The following DCHS2 variants were observed in gnomAD, a reference collection of about 807,000 sequenced individuals.
DCHS2 encodes the protein protocadherin-23.
A neutral mutation model predicts 182.4 loss-of-function variants in DCHS2; 142 were observed. The observed-to-expected ratio is 0.78, with a 90% CI of 0.68 to 0.89. The LOEUF (loss-of-function observed/expected upper bound fraction) is 0.89, where lower values mean the gene tolerates loss of function less well. DCHS2 is among the 40% of genes least tolerant of loss of function. The probability of loss-of-function intolerance (pLI) is 0.00; values close to 1 mark genes in which losing one functional copy is unlikely to be tolerated. For synonymous variants in DCHS2, 1,740 were observed against 1,663.3 expected (o/e 1.05, Z -1.12); for missense variants, 4,319 against 4,198.6 (o/e 1.03, Z -0.79).
In DCHS2 at chr4:154,255,789, C is replaced by T. The variant is rs758247014; in HGVS notation, c.6790-119G>A. The T allele has an allele frequency of 7.8e-5, 107 of 1,363,066 alleles. No individual in the cohort carries two copies. The Middle Eastern group carries it at 1.0e-3, about 13-fold the overall frequency. The allele number at this position is 1,363,066 out of a possible 1,614,324, so 84.4% of individuals were successfully genotyped here. On this transcript the variant is annotated intron_variant, in intron 15 of 19. Coordinates refer to ENST00000357232, the MANE Select transcript of DCHS2 (RefSeq NM_001358235.2). The stretch of plus-strand genomic sequence containing the variant: ...CTTGTCAAACATATTTTAAAAACAA[C>T]GATGAAATGAAATACCAACAGACAA...
chr4:154,395,167 T>G (rs1259865154), intron 1 of DCHS2, among the ~76,000 whole-genome samples: 1 of 152,204 alleles, frequency 6.6e-6, no homozygotes, highest in Non-Finnish European at 1.5e-5. Flanking sequence ...ATGTTAGCTG[T>G]TTATATCATT....
chr4:154,256,630 T>C (rs926282621), intron 15 of DCHS2, among the ~76,000 whole-genome samples: 1 of 152,196 alleles, frequency 6.6e-6, no homozygotes, highest in Non-Finnish European at 1.5e-5. Flanking sequence ...GGATTTGGTA[T>C]CTTGATTAAG....
chr4:154,431,725 A>G (rs914618085), intron 1 of DCHS2, among the ~76,000 whole-genome samples: 1 of 152,182 alleles, frequency 6.6e-6, no homozygotes, highest in Non-Finnish European at 1.5e-5. Context: ...AAGCCCACAG[A>G]TGGCCTGAAT....
At chr4:154,430,233 C>T (rs1342391708) in intron 1 of DCHS2, among the ~76,000 whole-genome samples, 3 of 152,182 alleles carry the variant, frequency 2.0e-5, no homozygotes, top group Admixed American at 6.5e-5. Context: ...TCATAAAATG[C>T]TCTTTTTTCA....
Position 154,491,381 on chromosome 4 carries a change from T to C in DCHS2, c.-26A>G. 1 of 1,481,020 alleles carries C rather than the reference T, an allele frequency of 6.8e-7. No homozygotes were observed. Among genetic ancestry groups the C allele is most frequent in the Non-Finnish European group, 9.0e-7 (1 of 1,112,066 alleles). 91.7% of individuals were successfully genotyped at this position (1,481,020 alleles called of 1,614,324 possible). A position where few individuals can be genotyped will look rare whatever the true frequency, so the allele number is the denominator to read the frequency against. ...TTCTCCTCCAGCTCCTTGGGAAGGCTCTCGGGTAACTGCCAGCTTGTGGCA... is the reference window on the plus strand; with the variant it reads ...TTCTCCTCCAGCTCCTTGGGAAGGCCCTCGGGTAACTGCCAGCTTGTGGCA... On this transcript the variant is annotated 5_prime_UTR_variant, in exon 1 of 20. Transcript: ENST00000357232.
chr4:154,327,194 C>T (rs1263167430), intron 7 of DCHS2, among the ~76,000 whole-genome samples: 1 of 152,048 alleles, frequency 6.6e-6, no homozygotes, highest in African/African-American at 2.4e-5. Flanking sequence ...ATAAATTGTC[C>T]ACTTCCCGCT....
At chr4:154,417,240 AGAGAGAGAGAG>A (rs1732897240) in intron 1 of DCHS2, among the ~76,000 whole-genome samples, 1 of 133,522 alleles carries the variant, frequency 7.5e-6, no homozygotes, top group African/African-American at 2.7e-5. Context: ...AGAGAGAGAG[AGAGAGAGAGAG>A]ACCAGTCAGG....
Position 154,236,293 on chromosome 4 carries a change from T to C in DCHS2, c.8359A>G (p.Thr2787Ala), listed in dbSNP as rs752832186. 1.5e-5 allele frequency: 25 copies of C among 1,613,894 alleles called. No homozygotes were observed. The African/African-American group carries it at 3.3e-4, about 22-fold the overall frequency. The change falls in exon 20 of 20, where the codon ACC (threonine) becomes GCC (alanine). Residue 2787 changes from threonine (T) to alanine (A), a missense_variant. By Grantham distance (58) the Thr-to-Ala change is moderately conservative (BLOSUM62 0). Coordinates refer to ENST00000357232, the MANE Select transcript of DCHS2 (RefSeq NM_001358235.2). ...IVPENLPISS[T>A]ICSINALDFD... is the part of the protein sequence containing the mutation. Reference sequence around the variant, plus strand: ...TCCAGAGCATTTATAGAGCATATGGTAGAGGAAATAGGCAGATTTTCTGGA... The same window carrying C: ...TCCAGAGCATTTATAGAGCATATGGCAGAGGAAATAGGCAGATTTTCTGGA...
intron 1 of DCHS2, among the ~76,000 whole-genome samples, chr4:154,423,222 A>G (rs1166846354): frequency 6.6e-6 from 1 of 152,204 alleles, no homozygotes; most frequent in Non-Finnish European, 1.5e-5. Flanking sequence ...CCACTGGCCT[A>G]GCCCAATGCT....
At chr4:154,328,445 A>G (rs967477129) in intron 6 of DCHS2, among the ~76,000 whole-genome samples, 1 of 152,212 alleles carries the variant, frequency 6.6e-6, no homozygotes, top group African/African-American at 2.4e-5. Context: ...ACCAAAAGAA[A>G]AAGAAATTGA....
intron 1 of DCHS2, among the ~76,000 whole-genome samples, chr4:154,435,142 T>C (rs1042489757): frequency 1.3e-5 from 2 of 152,150 alleles, no homozygotes; most frequent in Admixed American, 1.3e-4. Flanking sequence ...AGATGAGGGG[T>C]ACACAGAGAA....
Position 154,235,780 on chromosome 4 carries a change from T to C in DCHS2, c.8872A>G (p.Ile2958Val), listed in dbSNP as rs1297703413. The C allele has an allele frequency of 6.2e-7, 1 of 1,613,858 alleles. No homozygotes were observed. Among genetic ancestry groups the C allele is most frequent in the African/African-American group, 1.3e-5 (1 of 74,912 alleles). ...TCTGATTTGGGACTATGAGCGATTA[T>C]TTTCATTTCCAAGGTGTCTTCTTTG... ...LNKEDTLEMK[I>V]IAHSPKSDSK... is the part of the protein sequence containing the mutation. The change falls in exon 20 of 20, where the codon ATA becomes GTA. Residue 2958 changes from isoleucine to valine, a missense_variant. Physicochemically the swap from Ile to Val is conservative, Grantham distance 29. Coordinates refer to ENST00000357232, the MANE Select transcript of DCHS2 (RefSeq NM_001358235.2).
At chr4:154,367,881 A>G (rs560380224) in intron 2 of DCHS2, among the ~76,000 whole-genome samples, 3 of 152,164 alleles carry the variant, frequency 2.0e-5, no homozygotes, top group African/African-American at 4.8e-5. Flanking sequence ...TGAAGATTGT[A>G]TGGGAGGAAG....
At chr4:154,340,840 AGTAACTAAGT>A (rs1361494337) in intron 3 of DCHS2, among the ~76,000 whole-genome samples, 4 of 152,254 alleles carry the variant, frequency 2.6e-5, no homozygotes, top group Non-Finnish European at 5.9e-5. Context: ...CAAGCCAATC[AGTAACTAAGT>A]GTAACGTCAA....
chr4:154,319,507 G>C (rs1431774998), intron 9 of DCHS2, among the ~76,000 whole-genome samples: 1 of 151,454 alleles, frequency 6.6e-6, no homozygotes, highest in Non-Finnish European at 1.5e-5. Context: ...TTTTAAAATG[G>C]ACAAAAGACT....
At chr4:154,421,372 T>TTAATTTAATTTAA (rs1733103091) in intron 1 of DCHS2, among the ~76,000 whole-genome samples, 1 of 87,828 alleles carries the variant, frequency 1.1e-5, no homozygotes, top group East Asian at 5.7e-4. Context: ...TTCTCATCTG[T>TTAATTTAATTTAA]GTTAATTTAA....
chr4:154,265,073 G>A (rs1305266493), intron 14 of DCHS2, among the ~76,000 whole-genome samples: 2 of 152,150 alleles, frequency 1.3e-5, no homozygotes, highest in Non-Finnish European at 2.9e-5. Context: ...ACTTCAGACA[G>A]GGGAAAGTGG....
chr4:154,270,087 T>C, intron 13 of DCHS2, 74 bp from the exon 14 acceptor site: 1 of 1,481,304 alleles, frequency 6.8e-7, no homozygotes, highest in Non-Finnish European at 9.0e-7. Context: ...AAAATACTGA[T>C]TATTTATTAT....
At chr4:154,313,104 G>C (rs1337406498) in intron 10 of DCHS2, among the ~76,000 whole-genome samples, 1 of 152,172 alleles carries the variant, frequency 6.6e-6, no homozygotes, top group East Asian at 1.9e-4. Context: ...CTATATTTCA[G>C]TGTGGCAATA....
Sources: allele counts gnomAD v4.1 joint callset (sites outside exome capture counted in the v4.1 genomes callset), GRCh38; gene constraint gnomAD v4.1.1; transcripts MANE v1.5; gene names NCBI Gene and HGNC (gene_info 2026-07-23, HGNC 2026-07-21).